Variants in KIF26A observed in about 807,000 individuals in gnomAD.
KIF26A encodes the protein kinesin-like protein KIF26A.
In KIF26A, 74 loss-of-function variants were observed where a neutral mutation model predicts 126.0. That is an observed-to-expected ratio of 0.59 (90% CI 0.49 to 0.71). KIF26A has a LOEUF of 0.71. Among genes scored for constraint, KIF26A ranks in the 30% least tolerant of loss-of-function variants. The probability of loss-of-function intolerance (pLI) is 0.00; values close to 1 mark genes in which losing one functional copy is unlikely to be tolerated. For missense variants in KIF26A, 2,984 were observed against 2,763.3 expected (o/e 1.08, Z -1.79); for synonymous variants, 1,445 against 1,232.7 (o/e 1.17, Z -3.61).
At position 104,138,698 on chromosome 14, in the gene KIF26A, GC is replaced by G; in HGVS notation, c.-23del. 7.9e-7 allele frequency: 1 copy of G among 1,268,510 alleles called. No homozygotes were observed. The highest frequency in any genetic ancestry group is 9.9e-7 in the Non-Finnish European group (1 of 1,006,612). 78.6% of individuals were successfully genotyped at this position (1,268,510 alleles called of 1,614,324 possible). On this transcript the variant is annotated 5_prime_UTR_variant, in exon 1 of 15. Coordinates refer to ENST00000423312, the MANE Select transcript of KIF26A (RefSeq NM_015656.2). ...AGAGCCAGCGTGGCCGGGAGCGCCT[GC>G]CGGGCTCTTCCCGCGCCCCGGCCAT...
chr14:104,157,711 C>T, intron 3 of KIF26A, 44 bp from the exon 4 acceptor site: 1 of 1,580,274 alleles, frequency 6.3e-7, no homozygotes, highest in Non-Finnish European at 8.6e-7. Flanking sequence ...GCAGTGGTGT[C>T]TCTGCCCTTG....
intron 4 of KIF26A, among the ~76,000 whole-genome samples, chr14:104,160,506 C>T (rs1333488591): frequency 6.6e-6 from 1 of 152,054 alleles, no homozygotes; most frequent in African/African-American, 2.4e-5. Flanking sequence ...ATGCCCTCAC[C>T]CCCTGGGTGG....
Position 104,176,539 on chromosome 14 carries a change from G to T in KIF26A, c.3751G>T (p.Asp1251Tyr). The T allele has an allele frequency of 6.2e-7, 1 of 1,605,194 alleles. No individual in the cohort carries two copies. The highest frequency in any genetic ancestry group is 8.5e-7 in the Non-Finnish European group (1 of 1,179,670). ...DPWLLRVGECDTQAASAGRAP... is the reference protein window; with the variant it reads ...DPWLLRVGECYTQAASAGRAP... ...ATGGCTGCTCCGGGTAGGGGAGTGT[G>T]ATACCCAGGCAGCTTCTGCTGGCAG... Residue 1251 changes from aspartate to tyrosine, a missense_variant, in exon 12 of 15, where the codon GAT becomes TAT. Coordinates refer to ENST00000423312, the MANE Select transcript of KIF26A (RefSeq NM_015656.2).
At position 104,176,520 on chromosome 14, in the gene KIF26A, G is replaced by C. The variant is rs74090224; in HGVS notation, c.3732G>C (p.Leu1244=). 5.1e-3 allele frequency: 8,244 copies of C among 1,604,912 alleles called. 384 individuals carry two copies. The African/African-American group carries it at 0.096, about 19-fold the overall frequency. The change falls in exon 12 of 15, where the codon CTG becomes CTC. Residue 1244 remains leucine (L), a synonymous_variant. Transcript: ENST00000423312. ...GAGGCCTGTTTGAGGACCCATGGCT[G>C]CTCCGGGTAGGGGAGTGTGATACCC... is the stretch of plus-strand genomic sequence containing the variant. ...GRGGLFEDPW[L]LRVGECDTQA...
Position 104,148,387 on chromosome 14 carries a change from G to A in KIF26A, c.289-3628G>A, listed in dbSNP as rs531952226. Among the ~76,000 whole-genome samples the A allele has an allele frequency of 3.3e-5, 5 of 152,280 alleles. No individual in the cohort carries two copies. In the East Asian group the frequency reaches 7.7e-4, roughly 24 times the overall value. On this transcript the variant is annotated intron_variant, in intron 2 of 14. Transcript: ENST00000423312. This position sits in a 1 kb window ranked among gnomAD's most constrained non-coding sequence, Gnocchi z 4.3. ...AAGAGAAAATTAAAAGTCATATTTCGCAGTGGAGTAATTACTGTCTTCCTC... is the reference window on the plus strand; with the variant it reads ...AAGAGAAAATTAAAAGTCATATTTCACAGTGGAGTAATTACTGTCTTCCTC...
intron 3 of KIF26A, among the ~76,000 whole-genome samples, chr14:104,156,483 C>T (rs1427194689): frequency 2.0e-5 from 3 of 152,134 alleles, no homozygotes; most frequent in African/African-American, 4.8e-5. Flanking sequence ...GTGCCTAGGG[C>T]CCAGGGGGCA....
chr14:104,174,326 T>C lies in KIF26A; in HGVS notation c.2193+16T>C. 1 of 1,503,626 alleles carries C rather than the reference T, an allele frequency of 6.7e-7. No homozygotes were observed. 93.1% of individuals were successfully genotyped at this position (1,503,626 alleles called of 1,614,324 possible). A position where few individuals can be genotyped will look rare whatever the true frequency, so the allele number is the denominator to read the frequency against. ...GAAGGCCAAGGTGCTCCCCACCTCC[T>C]GCCCGCCCCATCTCGGGGCCGTCTC... On this transcript the variant is annotated intron_variant, in intron 11 of 14. Transcript: ENST00000423312.
At chr14:104,146,881 G>C (rs962336185) in intron 2 of KIF26A, among the ~76,000 whole-genome samples, 1 of 152,184 alleles carries the variant, frequency 6.6e-6, no homozygotes, top group African/African-American at 2.4e-5. Flanking sequence ...GCTGTGTTTG[G>C]AGTGGAGCTG....
In KIF26A at chr14:104,178,609, A is replaced by G. The variant is rs1773998662; in HGVS notation, c.5170A>G (p.Lys1724Glu). ...PLPDTTALGR[K>E]PSLPGQWVDL... is the part of the protein sequence containing the mutation. ...GCCCGACACCACTGCCCTGGGCCGT[A>G]AGCCCAGCCTCCCCGGGCAGTGGGT... The change falls in exon 13 of 15, where the codon AAG becomes GAG. Residue 1724 changes from lysine to glutamate, a missense_variant. Transcript: ENST00000423312. 1.3e-6 allele frequency: 2 copies of G among 1,546,174 alleles called. No homozygotes were observed. Among genetic ancestry groups the G allele is most frequent in the African/African-American group, 1.4e-5 (1 of 72,774 alleles).
chr14:104,170,554 G>A (rs891778609), intron 5 of KIF26A, among the ~76,000 whole-genome samples: 2 of 152,246 alleles, frequency 1.3e-5, no homozygotes, highest in African/African-American at 2.4e-5. Context: ...TGAGTCTCGG[G>A]TAATTTGATT....
chr14:104,171,146 C>G (rs891543494), intron 5 of KIF26A, among the ~76,000 whole-genome samples: 2 of 152,254 alleles, frequency 1.3e-5, no homozygotes, highest in African/African-American at 4.8e-5. Flanking sequence ...TGGGCTTCCC[C>G]CTGCTTTCTG....
chr14:104,154,702 G>T (rs576311039), intron 3 of KIF26A, among the ~76,000 whole-genome samples: 1 of 152,246 alleles, frequency 6.6e-6, no homozygotes, highest in Non-Finnish European at 1.5e-5. Flanking sequence ...GCTGCGAACC[G>T]TGGCCCATTT....
rs2037684903 is a variant in KIF26A, at chr14:104,146,851, A to G, written c.289-5164A>G. 2.0e-5 allele frequency among the ~76,000 whole-genome samples: 3 copies of G among 152,236 alleles called. No homozygotes were observed. The South Asian group carries it at 6.2e-4, about 32-fold the overall frequency. On this transcript the variant is annotated intron_variant, in intron 2 of 14. Coordinates refer to ENST00000423312, the MANE Select transcript of KIF26A (RefSeq NM_015656.2). ...ACCGCCACGGGGCAGGCCAGGTGACAGGAGGCGGGCGCTCTGGGGGCTGTG... is the reference window on the plus strand; with the variant it reads ...ACCGCCACGGGGCAGGCCAGGTGACGGGAGGCGGGCGCTCTGGGGGCTGTG...
Position 104,171,925 on chromosome 14 carries a change from A to G in KIF26A, c.1316A>G (p.Asp439Gly), listed in dbSNP as rs1273625990. ...GCCTTCGATGCCGTCTTCCCCCAGG[A>G]CTCCGAGCAGGTACGGGCAGGCGGA... ...MFAFDAVFPQ[D>G]SEQAEVCSGT... Residue 439 changes from aspartate to glycine, a missense_variant, in exon 6 of 15, where the codon GAC (aspartate) becomes GGC (glycine). By Grantham distance (94) the Asp-to-Gly change is moderately conservative. Coordinates refer to ENST00000423312, the MANE Select transcript of KIF26A (RefSeq NM_015656.2). 1 of 1,552,756 alleles carries G rather than the reference A, an allele frequency of 6.4e-7. No individual in the cohort carries two copies. Among genetic ancestry groups the G allele is most frequent in the Non-Finnish European group, 8.7e-7 (1 of 1,149,164 alleles).
At chr14:104,171,966 G>A in intron 6 of KIF26A, 31 bp downstream of exon 6, 3 of 1,538,994 alleles carry the variant, frequency 1.9e-6, no homozygotes, top group Non-Finnish European at 1.8e-6. Context: ...CGTCCTCCCG[G>A]AGACCCGGAG....
Position 104,178,418 on chromosome 14 carries a change from C to G in KIF26A, c.5111-132C>G, listed in dbSNP as rs922292696. On this transcript the variant is annotated intron_variant, in intron 12 of 14. Coordinates refer to ENST00000423312, the MANE Select transcript of KIF26A (RefSeq NM_015656.2). Reference sequence around the variant, plus strand: ...CTCCCTGCCCTGGGCAGAGCGCCAGCCTGAGGATTCCTGGACTGGATCCCG... The same window carrying G: ...CTCCCTGCCCTGGGCAGAGCGCCAGGCTGAGGATTCCTGGACTGGATCCCG... The G allele has an allele frequency of 7.5e-6, 5 of 665,202 alleles. No individual in the cohort carries two copies. In the African/African-American group the frequency reaches 9.5e-5, roughly 13 times the overall value. The allele number at this position is 665,202 out of a possible 1,614,324, so 41.2% of individuals were successfully genotyped here.
intron 2 of KIF26A, among the ~76,000 whole-genome samples, chr14:104,145,823 C>T (rs1444152098): frequency 1.3e-5 from 2 of 152,200 alleles, no homozygotes; most frequent in African/African-American, 4.8e-5. Context: ...CTGCCCTGAG[C>T]AAGGCTGAAA....
At chr14:104,174,891 C>CCT in intron 11 of KIF26A, 91 bp from the exon 12 acceptor site, 1 of 1,322,244 alleles carries the variant, frequency 7.6e-7, no homozygotes, top group Non-Finnish European at 1.0e-6. Flanking sequence ...TCACAGTGAC[C>CCT]GCAGCATTGG....
At chr14:104,143,673 C>T (rs547655383) in intron 2 of KIF26A, among the ~76,000 whole-genome samples, 4 of 152,324 alleles carry the variant, frequency 2.6e-5, no homozygotes, top group South Asian at 2.1e-4. Flanking sequence ...GACGGATGCT[C>T]GCCACTTGTG....
Sources: allele counts gnomAD v4.1 joint callset (sites outside exome capture counted in the v4.1 genomes callset), GRCh38; gene constraint gnomAD v4.1.1; non-coding constraint Gnocchi (gnomAD v3.1); transcripts MANE v1.5; gene names NCBI Gene and HGNC (gene_info 2026-07-23, HGNC 2026-07-21).